The following GEMIN5 variants were observed in gnomAD, a reference collection of about 807,000 sequenced individuals.
GEMIN5 encodes gem nuclear organelle associated protein 5.
In GEMIN5, 124 loss-of-function variants were observed where a neutral mutation model predicts 176.9. The observed-to-expected ratio is 0.70, with a 90% CI of 0.61 to 0.81. GEMIN5 has a LOEUF of 0.81. Ranked by LOEUF, GEMIN5 falls within the 40% of genes least tolerant of loss-of-function variation. The pLI, the probability that GEMIN5 is intolerant of heterozygous loss-of-function variation, is 0.00. For missense variants in GEMIN5, 1,843 were observed against 1,814.6 expected (o/e 1.02, Z -0.28); for synonymous variants, 673 against 665.2 (o/e 1.01, Z -0.18).
intron 15 of GEMIN5, among the ~76,000 whole-genome samples, chr5:154,910,306 T>C (rs1470368426): frequency 6.6e-6 from 1 of 152,054 alleles, no homozygotes; most frequent in African/African-American, 2.4e-5. Flanking sequence ...TATTCTTTCA[T>C]TTAAAATAAA....
At position 154,911,727 on chromosome 5, in the gene GEMIN5, C is replaced by G; in HGVS notation, c.2167G>C (p.Gly723Arg). The G allele has an allele frequency of 6.2e-7, 1 of 1,612,640 alleles. No individual in the cohort carries two copies. Among genetic ancestry groups the G allele is most frequent in the Non-Finnish European group, 8.5e-7 (1 of 1,178,980 alleles). The stretch of plus-strand genomic sequence containing the variant: ...AGATAAGCTCTAGGTTCTGACTGAC[C>G]TTGAGGAGGCCGGGAATGATCTTGC... ...SMQDHSRPPQ[G>R]KKSIELEKKR... Residue 723 changes from glycine (G) to arginine (R), a missense_variant and splice_region_variant, in exon 15 of 28, where the codon GGC becomes CGC. Gly to Arg is a moderately radical substitution (Grantham distance 125). Transcript: ENST00000285873.
At chr5:154,934,679 T>C (rs1030062765) in intron 3 of GEMIN5, among the ~76,000 whole-genome samples, 1 of 152,134 alleles carries the variant, frequency 6.6e-6, no homozygotes, top group Admixed American at 6.5e-5. Flanking sequence ...GAGTACTTAC[T>C]CCACAAAGCC....
chr5:154,926,411 G>A (rs1764038035), intron 7 of GEMIN5, among the ~76,000 whole-genome samples: 1 of 152,132 alleles, frequency 6.6e-6, no homozygotes, highest in Non-Finnish European at 1.5e-5. Context: ...TAAGGAAGAA[G>A]ATGGCCTCAG....
chr5:154,894,458 T>C (rs1024596280), intron 24 of GEMIN5, among the ~76,000 whole-genome samples: 2 of 152,134 alleles, frequency 1.3e-5, no homozygotes, highest in East Asian at 1.9e-4. Flanking sequence ...ACATGGGGCA[T>C]GTGCATGTTT....
intron 9 of GEMIN5, among the ~76,000 whole-genome samples, chr5:154,923,007 TTC>T (rs1763958791): frequency 6.6e-6 from 1 of 152,160 alleles, no homozygotes; most frequent in Admixed American, 6.5e-5. Context: ...TAAAATAGTG[TTC>T]TTTTTTGAGA....
rs1561722078 is a variant in GEMIN5 at position 154,917,977 on chromosome 5, T to TTA, written c.1625_1626dup (p.Ser543Ter). On this transcript the variant is annotated frameshift_variant, in exon 12 of 28. Transcript: ENST00000285873. LOFTEE classifies it high-confidence loss of function. ...ATGATTTTGCCATCTGCTTTCCAAC[T>TTA]TATCTCTGTGTGTACAGGCAATTTG... The TTA allele has an allele frequency of 6.2e-6, 10 of 1,612,100 alleles. No individual in the cohort carries two copies. Among genetic ancestry groups the TTA allele is most frequent in the Non-Finnish European group, 8.5e-6 (10 of 1,178,280 alleles).
In GEMIN5 at chr5:154,887,963, T is replaced by A. The variant is rs1275065348; in HGVS notation, c.*247A>T. 1 of 466,422 alleles carries A rather than the reference T, an allele frequency of 2.1e-6. No individual in the cohort carries two copies. Among genetic ancestry groups the A allele is most frequent in the Non-Finnish European group, 3.9e-6 (1 of 257,414 alleles). The allele number at this position is 466,422 out of a possible 1,614,324, so 28.9% of individuals were successfully genotyped here. ...ATGACCAACACTCTGCAGGTGTTAG[T>A]TCTGAATAACTACTGTGGGCTTTTC... On this transcript the variant is annotated 3_prime_UTR_variant, in exon 28 of 28. Transcript: ENST00000285873.
intron 15 of GEMIN5, among the ~76,000 whole-genome samples, chr5:154,910,333 C>A (rs1763676499): frequency 6.6e-6 from 1 of 152,056 alleles, no homozygotes; most frequent in South Asian, 2.1e-4. Flanking sequence ...ACTTATTTCA[C>A]AGAGACAGTG....
rs1764284179 is a variant in GEMIN5 at position 154,937,044 on chromosome 5, G to A, written c.308C>T (p.Thr103Ile). ...IWDVETKTVV[T>I]EHALHQHTIS... ...TGGTACCTGATGGAGTGCATGTTCT[G>A]TCACAACTGTTTTTGTCTCTACATC... is the stretch of plus-strand genomic sequence containing the variant. Residue 103 changes from threonine (T) to isoleucine (I), a missense_variant, in exon 2 of 28, where the codon ACA becomes ATA. Transcript: ENST00000285873. 6.2e-7 allele frequency: 1 copy of A among 1,613,798 alleles called. No homozygotes were observed. Among genetic ancestry groups the A allele is most frequent in the East Asian group, 2.2e-5 (1 of 44,862 alleles).
At chr5:154,936,124 GTAAT>G (rs1420195867) in intron 2 of GEMIN5, 102 bp from the exon 3 acceptor site, 3 of 753,252 alleles carry the variant, frequency 4.0e-6, no homozygotes, top group African/African-American at 3.5e-5. Flanking sequence ...CACATTAAAA[GTAAT>G]TAATACGGCC....
chr5:154,910,902 T>C (rs1243410556), intron 15 of GEMIN5, among the ~76,000 whole-genome samples: 1 of 152,108 alleles, frequency 6.6e-6, no homozygotes, highest in Non-Finnish European at 1.5e-5. Flanking sequence ...GTTTCACCTG[T>C]TAGTCAGGAT....
chr5:154,906,345 T>C (rs1440078102), intron 16 of GEMIN5, among the ~76,000 whole-genome samples: 3 of 152,144 alleles, frequency 2.0e-5, no homozygotes, highest in Non-Finnish European at 2.9e-5. Flanking sequence ...CACAACTTTA[T>C]ACCATAAGCC....
chr5:154,902,586 G>A lies in GEMIN5; in HGVS notation c.2819C>T (p.Ala940Val), dbSNP rs761138731. The change falls in exon 20 of 28, where the codon GCA (alanine) becomes GTA (valine). Residue 940 changes from alanine to valine, a missense_variant. By Grantham distance (64) the Ala-to-Val change is moderately conservative (BLOSUM62 0). Coordinates refer to ENST00000285873, the MANE Select transcript of GEMIN5 (RefSeq NM_015465.5). ...GDLKGVLQTA[A>V]ERGELTDNLV... ...GTTGTCTGTCAGCTCCCCTCTTTCT[G>A]CTGCAGTCTGGAGAACACCTTTGAG... The A allele has an allele frequency of 3.3e-5, 53 of 1,613,892 alleles. No homozygotes were observed. The highest frequency in any genetic ancestry group is 4.2e-5 in the Non-Finnish European group (49 of 1,179,854).
At chr5:154,890,887 C>A (rs1046473678) in intron 26 of GEMIN5, among the ~76,000 whole-genome samples, 1 of 152,104 alleles carries the variant, frequency 6.6e-6, no homozygotes, top group Non-Finnish European at 1.5e-5. Context: ...CCTCAGCCCC[C>A]CAAGTAGCTG....
intron 4 of GEMIN5, 81 bp from the exon 5 acceptor site, chr5:154,931,658 A>T: frequency 8.6e-7 from 1 of 1,162,550 alleles, no homozygotes; most frequent in East Asian, 2.4e-5. Context: ...AAGAGTTTCC[A>T]AAACTTAGCT....
At position 154,907,787 on chromosome 5, in the gene GEMIN5, C is replaced by A. The variant is rs752469613; in HGVS notation, c.2199G>T (p.Arg733=). 37 of 1,613,552 alleles carry A rather than the reference C, an allele frequency of 2.3e-5. No homozygotes were observed. Among genetic ancestry groups the A allele is most frequent in the Non-Finnish European group, 3.1e-5 (37 of 1,179,870 alleles). ...TGGGCTTTGCCTTAGGTTGAGAGAG[C>A]CGTTTTTTCTCCAATTCAATACTTT... ...GKKSIELEKK[R]LSQPKAKPKK... Residue 733 remains arginine, a synonymous_variant, in exon 16 of 28, where the codon CGG becomes CGT. Coordinates refer to ENST00000285873, the MANE Select transcript of GEMIN5 (RefSeq NM_015465.5).
intron 7 of GEMIN5, among the ~76,000 whole-genome samples, chr5:154,926,564 C>T (rs959746281): frequency 6.6e-6 from 1 of 152,212 alleles, no homozygotes; most frequent in African/African-American, 2.4e-5. Context: ...ATAAGCCTAG[C>T]TTAACTGCAA....
At chr5:154,927,654 G>A (rs185806858) in intron 6 of GEMIN5, 104 bp from the exon 7 acceptor site, 187 of 839,740 alleles carry the variant, frequency 2.2e-4, no homozygotes, top group Non-Finnish European at 3.1e-4. Flanking sequence ...ATTTGTTGTC[G>A]TTTAAGGAGA....
rs193124566 is a variant in GEMIN5 at position 154,892,776 on chromosome 5, G to A, written c.3598-227C>T. 8.3e-4 allele frequency: 415 copies of A among 497,374 alleles called. 3 individuals are homozygous for A. The highest frequency in any genetic ancestry group is 3.2e-3 in the Admixed American group (88 of 27,442). The allele number at this position is 497,374 out of a possible 1,614,324, so 30.8% of individuals were successfully genotyped here. On this transcript the variant is annotated intron_variant, in intron 24 of 27. Transcript: ENST00000285873. ...CGGTGTTAAAGTCTGTTCACACTGA[G>A]AAAACACCTTTACATTTGCATTTAA...
Sources: allele counts gnomAD v4.1 joint callset (sites outside exome capture counted in the v4.1 genomes callset), GRCh38; gene constraint gnomAD v4.1.1; transcripts MANE v1.5; gene names NCBI Gene and HGNC (gene_info 2026-07-23, HGNC 2026-07-21).